Variants in ANO3 observed in about 807,000 individuals in gnomAD.
ANO3 encodes the protein anoctamin-3.
Under a neutral mutation model 144.8 loss-of-function variants are expected in ANO3, and 99 were observed. The observed-to-expected ratio is 0.68, with a 90% CI of 0.58 to 0.81. The LOEUF (loss-of-function observed/expected upper bound fraction) is 0.81, where lower values mean the gene tolerates loss of function less well. ANO3 is among the 30% of genes least tolerant of loss of function. The pLI is 0.00. For synonymous variants in ANO3, 414 were observed against 392.6 expected (o/e 1.05, Z -0.64); for missense variants, 905 against 1,202.2 (o/e 0.75, Z 3.66).
intron 1 of ANO3, among the ~76,000 whole-genome samples, chr11:26,203,530 C>A (rs1851737898): frequency 1.3e-5 from 2 of 152,078 alleles, no homozygotes; most frequent in Admixed American, 6.6e-5. Context: ...GAAAATGTGA[C>A]AAGGCAAAGG....
intron 1 of ANO3, among the ~76,000 whole-genome samples, chr11:26,322,691 G>T (rs972507759): frequency 6.6e-6 from 1 of 152,112 alleles, no homozygotes; most frequent in Non-Finnish European, 1.5e-5. Flanking sequence ...TGATCAATTA[G>T]ATTTATGGCT....
intron 17 of ANO3, among the ~76,000 whole-genome samples, chr11:26,605,121 T>C (rs1417346017): frequency 6.6e-6 from 1 of 152,236 alleles, no homozygotes; most frequent in East Asian, 1.9e-4. Context: ...GTTTTTAACC[T>C]GAAGGGATAT....
chr11:26,357,191 T>C (rs769330678), intron 1 of ANO3, among the ~76,000 whole-genome samples: 3 of 152,340 alleles, frequency 2.0e-5, no homozygotes, highest in Non-Finnish European at 2.9e-5. Flanking sequence ...GAACATTGAG[T>C]ACAAATCTTA....
intron 14 of ANO3, among the ~76,000 whole-genome samples, chr11:26,574,414 G>A (rs910084935): frequency 6.6e-6 from 1 of 152,128 alleles, no homozygotes; most frequent in Non-Finnish European, 1.5e-5. Context: ...TCTTGATGCT[G>A]ATGTCACATG....
At chr11:26,644,698 C>T (rs978775427) in intron 23 of ANO3, among the ~76,000 whole-genome samples, 3 of 151,952 alleles carry the variant, frequency 2.0e-5, no homozygotes, top group Non-Finnish European at 2.9e-5. Flanking sequence ...TTTTTCTAAC[C>T]GTGAGATTAA....
intron 1 of ANO3, among the ~76,000 whole-genome samples, chr11:26,301,228 T>C (rs1157240711): frequency 1.3e-5 from 2 of 152,344 alleles, no homozygotes; most frequent in East Asian, 3.9e-4. Context: ...TTGTTACCAC[T>C]GTCATTGGAT....
At chr11:26,239,031 A>C (rs991274895) in intron 1 of ANO3, among the ~76,000 whole-genome samples, 3 of 138,952 alleles carry the variant, frequency 2.2e-5, no homozygotes, top group African/African-American at 7.4e-5. Flanking sequence ...TAATCTAAAT[A>C]TAAATATAAT....
intron 1 of ANO3, among the ~76,000 whole-genome samples, chr11:26,267,040 C>T (rs780941065): frequency 6.7e-6 from 1 of 149,872 alleles, no homozygotes; most frequent in Admixed American, 6.6e-5. Flanking sequence ...TGCAGTCAGC[C>T]GAGATCGCGC....
At chr11:26,461,825 A>T (rs1324006714) in intron 3 of ANO3, among the ~76,000 whole-genome samples, 1 of 152,066 alleles carries the variant, frequency 6.6e-6, no homozygotes, top group Non-Finnish European at 1.5e-5. Context: ...TACCCACTTT[A>T]TAAAGTTGTC....
chr11:26,331,305 T>G (rs1467328963), upstream of ANO3: 1 of 152,150 alleles, frequency 6.6e-6, no homozygotes, highest in East Asian at 1.9e-4. Context: ...AACCTGCGCA[T>G]CCTGCACATG....
intron 17 of ANO3, among the ~76,000 whole-genome samples, chr11:26,613,185 C>G (rs971978380): frequency 3.3e-5 from 5 of 151,896 alleles, no homozygotes; most frequent in Admixed American, 1.3e-4. Context: ...TTTCTTTATT[C>G]TTATTTGTTT....
intron 1 of ANO3, among the ~76,000 whole-genome samples, chr11:26,295,699 A>C (rs1035997509): frequency 6.6e-6 from 1 of 152,188 alleles, no homozygotes; most frequent in African/African-American, 2.4e-5. Context: ...TCATATCTCC[A>C]TCAGTTGTCA....
At chr11:26,272,739 A>G (rs545327102) in intron 1 of ANO3, among the ~76,000 whole-genome samples, 166 of 152,296 alleles carry the variant, frequency 1.1e-3, no homozygotes, top group African/African-American at 3.4e-3. Flanking sequence ...ATCTGCCTGC[A>G]CAGGTTCTTA....
At chr11:26,652,375 A>G (rs187402348) in intron 24 of ANO3, among the ~76,000 whole-genome samples, 8 of 152,292 alleles carry the variant, frequency 5.3e-5, no homozygotes, top group Non-Finnish European at 1.0e-4. Flanking sequence ...TGAATCAATT[A>G]GAAAAGATCT....
At chr11:26,557,410 G>A (rs990446408) in intron 13 of ANO3, among the ~76,000 whole-genome samples, 25 of 146,908 alleles carry the variant, frequency 1.7e-4, no homozygotes, top group Admixed American at 7.5e-4. Context: ...ACAGTGAGCC[G>A]AGATCACACC....
Position 26,595,460 on chromosome 11 carries a change from GTTTTTTTTTTTT to G in ANO3, c.1448-2889_1448-2878del, listed in dbSNP as rs201712393. ...TTTGACTCAGTATTGAGATAGAGTT[GTTTTTTTTTTTT>G]TTTTTTTTTTTTTTTATTCTGTAAG... On this transcript the variant is annotated intron_variant, in intron 14 of 26. Transcript: ENST00000256737. Among the ~76,000 whole-genome samples the G allele has an allele frequency of 1.7e-4, 17 of 101,384 alleles. No individual in the cohort carries two copies. In the South Asian group the frequency reaches 4.0e-3, roughly 24 times the overall value. 66.5% of individuals were successfully genotyped at this position (101,384 alleles called of 152,430 possible). A position where few individuals can be genotyped will look rare whatever the true frequency, so the allele number is the denominator to read the frequency against.
chr11:26,627,198 C>A (rs1852615269), intron 18 of ANO3, among the ~76,000 whole-genome samples: 1 of 151,830 alleles, frequency 6.6e-6, no homozygotes, highest in African/African-American at 2.4e-5. Context: ...GGGAAGACAC[C>A]AGGCTTTGGA....
chr11:26,246,427 A>G (rs1397935507), intron 1 of ANO3, among the ~76,000 whole-genome samples: 1 of 148,020 alleles, frequency 6.8e-6, no homozygotes, highest in Non-Finnish European at 1.5e-5. Flanking sequence ...TCAATCTGAT[A>G]AATGAGAAAT....
chr11:26,362,799 A>G (rs188943478), intron 1 of ANO3, among the ~76,000 whole-genome samples: 3 of 152,266 alleles, frequency 2.0e-5, no homozygotes, highest in East Asian at 1.9e-4. Context: ...AGTCTATACC[A>G]TGAGGGAAGG....
Sources: allele counts gnomAD v4.1 joint callset (sites outside exome capture counted in the v4.1 genomes callset), GRCh38; gene constraint gnomAD v4.1.1; transcripts MANE v1.5; gene names NCBI Gene and HGNC (gene_info 2026-07-23, HGNC 2026-07-21).